ULK4: variants seen among roughly 807,000 people sequenced by gnomAD.
ULK4 encodes unc-51 like kinase 4.
A neutral mutation model predicts 160.6 loss-of-function variants in ULK4; 133 were observed. The ratio of observed to expected loss-of-function variants is 0.83; its 90% CI spans 0.72 to 0.96. ULK4 has a LOEUF of 0.96. Ranked by LOEUF, ULK4 falls within the 40% of genes least tolerant of loss-of-function variation. The pLI, the probability that ULK4 is intolerant of heterozygous loss-of-function variation, is 0.00. For synonymous variants in ULK4, 534 were observed against 539.8 expected, an observed-to-expected ratio of 0.99 and a Z score of 0.15; for missense variants, 1,580 against 1,499.5, an observed-to-expected ratio of 1.05 and a Z score of -0.89.
At chr3:41,459,381 A>C (rs375078588) in intron 33 of ULK4, among the ~76,000 whole-genome samples, 1 of 152,126 alleles carries the variant, frequency 6.6e-6, no homozygotes, top group African/African-American at 2.4e-5. Flanking sequence ...TCCTGTCGTT[A>C]TATCTCCAGC....
At chr3:41,579,398 G>A (rs192927509) in intron 31 of ULK4, among the ~76,000 whole-genome samples, 2 of 151,858 alleles carry the variant, frequency 1.3e-5, no homozygotes, top group Admixed American at 1.3e-4. Flanking sequence ...ATGAGGCTAA[G>A]CTCAGAATAC....
intron 32 of ULK4, among the ~76,000 whole-genome samples, chr3:41,534,345 T>C (rs1042743224): frequency 3.9e-5 from 6 of 152,192 alleles, no homozygotes; most frequent in African/African-American, 1.4e-4. Context: ...ACAGTGCTGC[T>C]GGTAAAACCG....
chr3:41,691,877 G>A (rs1243922467), intron 27 of ULK4, among the ~76,000 whole-genome samples: 3 of 147,142 alleles, frequency 2.0e-5, no homozygotes, highest in East Asian at 4.0e-4. Context: ...CAACAATGCA[G>A]CAAGACAATA....
rs999790791 is a variant in ULK4 at position 41,658,758 on chromosome 3, C to CAT, written c.3071+4847_3071+4848dup. Among the ~76,000 whole-genome samples, 110 of 151,608 alleles carry CAT rather than the reference C, an allele frequency of 7.3e-4. No homozygotes were observed. In the East Asian group the frequency reaches 0.013, roughly 17 times the overall value. ...ACACACACACACACACACACACACA[C>CAT]ATATATACTGGCAGCAGTGGTTCTC... On this transcript the variant is annotated intron_variant, in intron 30 of 36. Coordinates refer to ENST00000301831, the MANE Select transcript of ULK4 (RefSeq NM_017886.4).
Position 41,935,942 on chromosome 3 carries a change from T to C in ULK4, c.239-2A>G. 6.2e-7 allele frequency: 1 copy of C among 1,612,482 alleles called. No homozygotes were observed. Among genetic ancestry groups the C allele is most frequent in the Non-Finnish European group, 8.5e-7 (1 of 1,179,580 alleles). On this transcript the variant is annotated splice_acceptor_variant, in intron 3 of 36. Transcript: ENST00000301831. LOFTEE classifies it high-confidence loss of function. ...CAATAACTGTTTTTAAGGAACCACC[T>C]GCAAGAGGTTGATTAAAATCACCCA...
intron 35 of ULK4, chr3:41,260,155 TGCTACTTCAAA>T: frequency 6.6e-6 from 1 of 152,370 alleles, no homozygotes; most frequent in East Asian, 1.9e-4. Flanking sequence ...GGGGTTTTCA[TGCTACTTCAAA>T]GCCATTTCTC....
At chr3:41,911,183 G>A (rs1253708745) in intron 11 of ULK4, 134 bp downstream of exon 11, 7 of 814,804 alleles carry the variant, frequency 8.6e-6, no homozygotes, top group Non-Finnish European at 1.2e-5. Flanking sequence ...TGAAATTGGA[G>A]AGTGAAACTG....
At chr3:41,469,112 C>CA (rs1249730140) in intron 32 of ULK4, among the ~76,000 whole-genome samples, 2 of 152,194 alleles carry the variant, frequency 1.3e-5, no homozygotes. Context: ...CAAAGCCTCA[C>CA]ATCCAGGGAG....
chr3:41,895,535 T>C lies in ULK4; in HGVS notation c.1560A>G (p.Ile520Met). 2.0e-6 allele frequency: 3 copies of C among 1,512,218 alleles called. No individual in the cohort carries two copies. The highest frequency in any genetic ancestry group is 2.7e-6 in the Non-Finnish European group (3 of 1,130,066). The allele number at this position is 1,512,218 out of a possible 1,614,324, so 93.7% of individuals were successfully genotyped here. A position where few individuals can be genotyped will look rare whatever the true frequency, so the allele number is the denominator to read the frequency against. The change falls in exon 16 of 37, where the codon ATA (isoleucine) becomes ATG (methionine). Residue 520 changes from isoleucine to methionine, a missense_variant. Physicochemically the swap from Ile to Met is conservative, Grantham distance 10. Transcript: ENST00000301831. ...TTACTTACATATCCCAGTTTGGAGC[T>C]ATCCGCAAATGCTGGATTAGCAATT... Reference protein sequence around the residue: ...LFQLLIQHLRIAPNWDIRAKV... With the variant: ...LFQLLIQHLRMAPNWDIRAKV...
At chr3:41,894,673 T>C (rs2148784733) in intron 16 of ULK4, among the ~76,000 whole-genome samples, 1 of 152,304 alleles carries the variant, frequency 6.6e-6, no homozygotes, top group Middle Eastern at 3.4e-3. Flanking sequence ...ATGAAGCAGT[T>C]ATCCCATCCC....
intron 32 of ULK4, among the ~76,000 whole-genome samples, chr3:41,535,662 C>T (rs1217578681): frequency 6.6e-6 from 1 of 151,842 alleles, no homozygotes; most frequent in African/African-American, 2.4e-5. Context: ...CTCATGTGGT[C>T]GTGCTTCATG....
intron 5 of ULK4, among the ~76,000 whole-genome samples, chr3:41,924,158 T>C (rs1232731928): frequency 1.3e-5 from 2 of 152,192 alleles, no homozygotes; most frequent in African/African-American, 2.4e-5. Context: ...TTTATGGCTG[T>C]ATACCACCAC....
chr3:41,815,601 A>G (rs1273035711), intron 19 of ULK4, among the ~76,000 whole-genome samples: 1 of 152,152 alleles, frequency 6.6e-6, no homozygotes, highest in East Asian at 1.9e-4. Flanking sequence ...CCCTCCTGCA[A>G]CCTGCACTCC....
At chr3:41,495,745 A>C (rs1416529692) in intron 32 of ULK4, among the ~76,000 whole-genome samples, 1 of 151,984 alleles carries the variant, frequency 6.6e-6, no homozygotes, top group Admixed American at 6.6e-5. Context: ...AAAAACAAAC[A>C]ACCCCATCAA....
At chr3:41,494,635 A>C (rs1216766698) in intron 32 of ULK4, among the ~76,000 whole-genome samples, 1 of 152,218 alleles carries the variant, frequency 6.6e-6, no homozygotes, top group Non-Finnish European at 1.5e-5. Flanking sequence ...AGAGGAAGTC[A>C]AATTGTCCCT....
chr3:41,702,959 C>T (rs534758912), intron 27 of ULK4, among the ~76,000 whole-genome samples: 93 of 150,704 alleles, frequency 6.2e-4, no homozygotes, highest in African/African-American at 1.9e-3. Context: ...GTTCAAGCGA[C>T]TCTCCTGCCC....
intron 17 of ULK4, among the ~76,000 whole-genome samples, chr3:41,867,497 A>C (rs1696939064): frequency 6.6e-6 from 1 of 152,160 alleles, no homozygotes. Context: ...TCAGCCTCCC[A>C]AGTAGCTGGG....
At chr3:41,903,578 C>G (rs1413561414) in intron 12 of ULK4, among the ~76,000 whole-genome samples, 1 of 113,506 alleles carries the variant, frequency 8.8e-6, no homozygotes. Flanking sequence ...GAGCGAGACT[C>G]TGTCTCAAAG....
At chr3:41,589,264 A>G (rs1479801740) in intron 31 of ULK4, among the ~76,000 whole-genome samples, 2 of 152,034 alleles carry the variant, frequency 1.3e-5, no homozygotes, top group African/African-American at 4.8e-5. Flanking sequence ...AGAGTCCAGC[A>G]ATCTAGATTA....
Sources: gnomAD v4.1 joint callset for allele counts (sites outside exome capture counted in the v4.1 genomes callset) on GRCh38, gnomAD v4.1.1 for gene constraint, MANE v1.5 for transcripts, NCBI Gene and HGNC (gene_info 2026-07-23, HGNC 2026-07-21) for gene names.